The following SSBP2 variants were observed in gnomAD, a reference collection of about 807,000 sequenced individuals.
SSBP2 encodes single stranded DNA binding protein 2, also known as single-stranded DNA-binding protein 2.
A neutral mutation model predicts 61.8 loss-of-function variants in SSBP2; 17 were observed. The ratio of observed to expected loss-of-function variants is 0.28; its 90% confidence interval spans 0.19 to 0.41. SSBP2 has a LOEUF of 0.41. Among genes scored for constraint, SSBP2 ranks in the 10% least tolerant of loss-of-function variants. SSBP2 has a pLI of 1.00. For missense variants in SSBP2, 310 were observed against 458.7 expected (o/e 0.68, Z 2.96); for synonymous variants, 139 against 141.3 (o/e 0.98, Z 0.12).
At chr5:81,437,127 C>G (rs1762722286) in intron 15 of SSBP2, among the ~76,000 whole-genome samples, 1 of 151,160 alleles carries the variant, frequency 6.6e-6, no homozygotes, top group Admixed American at 6.6e-5. Flanking sequence ...TGTAAGTTTG[C>G]TTTACAAATA....
intron 1 of SSBP2, among the ~76,000 whole-genome samples, chr5:81,735,059 T>C (rs1283530774): frequency 6.6e-6 from 1 of 151,618 alleles, no homozygotes; most frequent in Admixed American, 6.6e-5. Flanking sequence ...ATATTAAGCA[T>C]GCTAAATTAA....
intron 4 of SSBP2, among the ~76,000 whole-genome samples, chr5:81,605,425 A>G (rs2153571039): frequency 6.6e-6 from 1 of 152,292 alleles, no homozygotes; most frequent in South Asian, 2.1e-4. Context: ...AACAATCTAA[A>G]TTAAATAAAT....
rs1408360573 is a variant in SSBP2, at chr5:81,446,850, C to T, written c.778+18G>A. ...TTCTAATAATCAAATGCCCATGTGGCTAGTTTGATTACAATACCTGCTGGA... is the reference window on the plus strand; with the variant it reads ...TTCTAATAATCAAATGCCCATGTGGTTAGTTTGATTACAATACCTGCTGGA... On this transcript the variant is annotated intron_variant, in intron 12 of 16. Coordinates refer to ENST00000320672, the MANE Select transcript of SSBP2 (RefSeq NM_012446.5). The T allele has an allele frequency of 2.5e-6, 4 of 1,601,742 alleles. No homozygotes were observed. Among genetic ancestry groups the T allele is most frequent in the Non-Finnish European group, 3.4e-6 (4 of 1,175,226 alleles).
intron 1 of SSBP2, among the ~76,000 whole-genome samples, chr5:81,681,161 T>A (rs1022684998): frequency 8.6e-5 from 13 of 152,038 alleles, no homozygotes; most frequent in African/African-American, 3.1e-4. Flanking sequence ...ACAATGCACT[T>A]CTAAACACAC....
At chr5:81,443,701 T>G (rs1388146796) in intron 12 of SSBP2, among the ~76,000 whole-genome samples, 1 of 152,006 alleles carries the variant, frequency 6.6e-6, no homozygotes, top group African/African-American at 2.4e-5. Context: ...TAGCTGGGAC[T>G]ACAAGTGCAT....
intron 6 of SSBP2, among the ~76,000 whole-genome samples, chr5:81,484,197 AT>A (rs1026840805): frequency 6.6e-6 from 1 of 152,204 alleles, no homozygotes; most frequent in African/African-American, 2.4e-5. Flanking sequence ...ATGGCAACGT[AT>A]TCTATGTATT....
At chr5:81,489,121 G>A in intron 6 of SSBP2, 129 bp downstream of exon 6, 1 of 832,272 alleles carries the variant, frequency 1.2e-6, no homozygotes, top group Non-Finnish European at 1.9e-6. Flanking sequence ...AACCCTTGAA[G>A]CAGACTAGAA....
At chr5:81,575,735 A>G (rs1017928886) in intron 4 of SSBP2, among the ~76,000 whole-genome samples, 27 of 152,226 alleles carry the variant, frequency 1.8e-4, no homozygotes, top group Non-Finnish European at 3.7e-4. Flanking sequence ...GACTAGATAA[A>G]GCCTTAAATA....
intron 1 of SSBP2, among the ~76,000 whole-genome samples, chr5:81,728,424 C>T (rs1212093753): frequency 6.6e-6 from 1 of 152,068 alleles, no homozygotes; most frequent in Non-Finnish European, 1.5e-5. Context: ...TCCTTCAGTT[C>T]CTTCTATAAC....
chr5:81,679,052 C>T (rs1752199382), intron 1 of SSBP2, among the ~76,000 whole-genome samples: 1 of 152,166 alleles, frequency 6.6e-6, no homozygotes, highest in African/African-American at 2.4e-5. Flanking sequence ...CTCTGTCGCC[C>T]AGGCTGAAGT....
intron 3 of SSBP2, among the ~76,000 whole-genome samples, chr5:81,625,938 T>G (rs1471760067): frequency 1.3e-5 from 2 of 152,164 alleles, no homozygotes; most frequent in Non-Finnish European, 2.9e-5. Context: ...GAAAACATTT[T>G]TTCTGAGGAA....
intron 9 of SSBP2, among the ~76,000 whole-genome samples, chr5:81,461,686 C>T (rs1011600528): frequency 1.3e-5 from 2 of 151,896 alleles, no homozygotes; most frequent in African/African-American, 4.8e-5. Flanking sequence ...AATGAGAAAT[C>T]CCATTTCTTG....
intron 1 of SSBP2, among the ~76,000 whole-genome samples, chr5:81,724,339 T>C (rs1755735216): frequency 6.6e-6 from 1 of 152,112 alleles, no homozygotes. Context: ...TACTCCATAA[T>C]GATCTTTTGC....
At chr5:81,546,930 A>G (rs1476535978) in intron 4 of SSBP2, among the ~76,000 whole-genome samples, 2 of 110,136 alleles carry the variant, frequency 1.8e-5, no homozygotes, top group African/African-American at 1.7e-4. Flanking sequence ...AATCAATCAC[A>G]AAGAATTCTC....
intron 4 of SSBP2, among the ~76,000 whole-genome samples, chr5:81,580,602 C>G (rs1305180423): frequency 6.6e-6 from 1 of 152,082 alleles, no homozygotes; most frequent in African/African-American, 2.4e-5. Flanking sequence ...CCTAGTAGAT[C>G]ATTTCTGTAT....
intron 4 of SSBP2, among the ~76,000 whole-genome samples, chr5:81,558,174 CCT>C (rs1195024657): frequency 2.6e-5 from 4 of 152,130 alleles, no homozygotes; most frequent in Admixed American, 1.3e-4. Context: ...AATAAAAGCA[CCT>C]CTCATACTTC....
At chr5:81,551,097 A>AC (rs1464157212) in intron 4 of SSBP2, among the ~76,000 whole-genome samples, 1 of 50,712 alleles carries the variant, frequency 2.0e-5, no homozygotes, top group African/African-American at 5.0e-4. Flanking sequence ...CTCCATCTCG[A>AC]AAAAAAAAAA....
At chr5:81,705,571 G>A (rs557955325) in intron 1 of SSBP2, among the ~76,000 whole-genome samples, 14 of 152,040 alleles carry the variant, frequency 9.2e-5, no homozygotes, top group Middle Eastern at 3.4e-3. Flanking sequence ...TAACTACATC[G>A]CAATTAGATG....
chr5:81,648,704 T>C (rs1287312527), intron 2 of SSBP2, among the ~76,000 whole-genome samples: 1 of 152,082 alleles, frequency 6.6e-6, no homozygotes, highest in Non-Finnish European at 1.5e-5. Context: ...TTTTAATTTT[T>C]AATTTTTATG....
Sources: gnomAD v4.1 joint callset for allele counts (sites outside exome capture counted in the v4.1 genomes callset) on GRCh38, gnomAD v4.1.1 for gene constraint, MANE v1.5 for transcripts, NCBI Gene and HGNC (gene_info 2026-07-23, HGNC 2026-07-21) for gene names.